Variants in NAALADL2 observed in about 807,000 individuals in gnomAD.
The protein encoded by NAALADL2 is N-acetylated alpha-linked acidic dipeptidase like 2.
NAALADL2 carries 76 observed loss-of-function variants against 87.2 expected under a neutral mutation model. The ratio of observed to expected loss-of-function variants is 0.87; its 90% CI spans 0.72 to 1.05. The LOEUF (loss-of-function observed/expected upper bound fraction) is 1.05. NAALADL2 is among the 50% of genes least tolerant of loss of function. The pLI is 0.00. For missense variants in NAALADL2, 1,089 were observed against 945.8 expected, an observed-to-expected ratio of 1.15 and a Z score of -1.99; for synonymous variants, 354 against 331.0, an observed-to-expected ratio of 1.07 and a Z score of -0.75.
chr3:174,787,230 A>G (rs1389543933), intron 3 of NAALADL2, among the ~76,000 whole-genome samples: 1 of 151,862 alleles, frequency 6.6e-6, no homozygotes, highest in Non-Finnish European at 1.5e-5. Flanking sequence ...TCGTCTCTTC[A>G]AACTGACAAA....
At chr3:174,490,914 T>C (rs756958194) in intron 1 of NAALADL2, among the ~76,000 whole-genome samples, 1 of 152,112 alleles carries the variant, frequency 6.6e-6, no homozygotes, top group Non-Finnish European at 1.5e-5. Flanking sequence ...TTAAAACTTA[T>C]AACGGGGTTT....
intron 2 of NAALADL2, among the ~76,000 whole-genome samples, chr3:175,104,961 T>TTGG (rs1722843131): frequency 6.6e-6 from 1 of 152,070 alleles, no homozygotes; most frequent in African/African-American, 2.4e-5. Context: ...TTAACTGGAT[T>TTGG]CAACTCACAG....
rs547898817 is a variant in NAALADL2 at position 175,480,410 on chromosome 3, T to C, written c.1653+8652T>C. Reference sequence around the variant, plus strand: ...ACTCTAACTCATTTGTCTTCTGTAATCAATGGTAACTCCAGAAGGAGTTTA... The same window carrying C: ...ACTCTAACTCATTTGTCTTCTGTAACCAATGGTAACTCCAGAAGGAGTTTA... On this transcript the variant is annotated intron_variant, in intron 9 of 13. Transcript: ENST00000454872. Among the ~76,000 whole-genome samples the C allele has an allele frequency of 2.0e-5, 3 of 151,978 alleles. No individual in the cohort carries two copies. The South Asian group carries it at 6.2e-4, about 31-fold the overall frequency.
chr3:174,621,962 G>T (rs1018014487), intron 2 of NAALADL2, among the ~76,000 whole-genome samples: 6 of 152,040 alleles, frequency 3.9e-5, no homozygotes, highest in South Asian at 2.1e-4. Flanking sequence ...CCTAACAAAG[G>T]ACTCTCAAGA....
chr3:174,848,128 T>G (rs1157870292), intron 3 of NAALADL2, among the ~76,000 whole-genome samples: 2 of 152,128 alleles, frequency 1.3e-5, no homozygotes, highest in East Asian at 3.8e-4. Flanking sequence ...TTAAAAACAA[T>G]TAAGTACCAA....
At chr3:175,574,017 A>T (rs192034606) in intron 9 of NAALADL2, among the ~76,000 whole-genome samples, 121 of 152,306 alleles carry the variant, frequency 7.9e-4, no homozygotes, top group African/African-American at 2.7e-3. Flanking sequence ...ATTTTAATTG[A>T]TGTTTAACTT....
intron 1 of NAALADL2, among the ~76,000 whole-genome samples, chr3:174,987,285 C>T (rs1480460992): frequency 1.3e-5 from 2 of 152,038 alleles, no homozygotes; most frequent in African/African-American, 2.4e-5. Flanking sequence ...AAAACCAATA[C>T]TCGGCCGGGC....
At chr3:175,779,286 A>C (rs1480206226) in intron 13 of NAALADL2, among the ~76,000 whole-genome samples, 2 of 151,970 alleles carry the variant, frequency 1.3e-5, no homozygotes, top group African/African-American at 4.8e-5. Flanking sequence ...CTAAATAACA[A>C]ATAGGCCAAA....
intron 1 of NAALADL2, among the ~76,000 whole-genome samples, chr3:175,035,687 G>A (rs1488148765): frequency 6.6e-6 from 1 of 152,156 alleles, no homozygotes; most frequent in Non-Finnish European, 1.5e-5. Flanking sequence ...TAAAAATTCA[G>A]ACATCAGATA....
chr3:175,368,515 C>T (rs1413177208), intron 5 of NAALADL2, among the ~76,000 whole-genome samples: 1 of 151,964 alleles, frequency 6.6e-6, no homozygotes, highest in Non-Finnish European at 1.5e-5. Flanking sequence ...AAACGAATCT[C>T]TAACACATTT....
At position 174,750,583 on chromosome 3, in the gene NAALADL2, G is replaced by A. The variant is rs184786181; in HGVS notation, c.-9+12837G>A. 1.7e-3 allele frequency among the ~76,000 whole-genome samples: 259 copies of A among 152,072 alleles called. 2 individuals carry two copies. Among genetic ancestry groups the A allele is most frequent in the African/African-American group, 5.5e-3 (230 of 41,478 alleles). ...TGAGTAGCTGGGATTAAAGGTGTGC[G>A]CCACCATACCTGGCTAATTTTTGTA... On this transcript the variant is annotated intron_variant, in intron 3 of 3. Coordinates refer to the NAALADL2 transcript ENST00000434257.
intron 2 of NAALADL2, among the ~76,000 whole-genome samples, chr3:174,593,096 GGACAATCAGAATT>G (rs1311352422): frequency 1.3e-5 from 2 of 152,056 alleles, no homozygotes; most frequent in Non-Finnish European, 2.9e-5. Context: ...TTTTCTTGTA[GGACAATCAGAATT>G]GTCAAATATA....
rs538422361 is a variant in NAALADL2, at chr3:175,097,309, A to C, written c.545+18A>C. On this transcript the variant is annotated intron_variant, in intron 2 of 13. Transcript: ENST00000454872. ...TCTTTCAGGTAGGTGAAGAAGAAACAGATGTTGTTTGAATGCATTTCTTGG... is the reference window on the plus strand; with the variant it reads ...TCTTTCAGGTAGGTGAAGAAGAAACCGATGTTGTTTGAATGCATTTCTTGG... 1 of 1,589,508 alleles carries C rather than the reference A, an allele frequency of 6.3e-7. No homozygotes were observed. The highest frequency in any genetic ancestry group is 1.4e-5 in the African/African-American group (1 of 74,030).
chr3:174,570,652 A>G (rs567741745), intron 2 of NAALADL2, among the ~76,000 whole-genome samples: 1 of 152,154 alleles, frequency 6.6e-6, no homozygotes, highest in African/African-American at 2.4e-5. Context: ...CTTAAGGGTC[A>G]CAACTTTAAG....
At chr3:175,429,462 C>T (rs16825689) in intron 5 of NAALADL2, among the ~76,000 whole-genome samples, 12,542 of 151,942 alleles carry the variant, frequency 0.083, 1,275 homozygotes, top group African/African-American at 0.23. Context: ...ATGTAGTTTC[C>T]TTTGCTTAGA....
intron 2 of NAALADL2, among the ~76,000 whole-genome samples, chr3:174,710,247 TTTTC>T (rs1345036184): frequency 2.0e-5 from 3 of 150,524 alleles, no homozygotes; most frequent in African/African-American, 7.4e-5. Context: ...TTTTTTTTCT[TTTTC>T]TTTTCTTTTT....
At chr3:175,041,424 T>C (rs2108970092) in intron 1 of NAALADL2, among the ~76,000 whole-genome samples, 1 of 152,274 alleles carries the variant, frequency 6.6e-6, no homozygotes, top group South Asian at 2.1e-4. Flanking sequence ...AGTTTCTAAG[T>C]GGTTATAAAC....
intron 1 of NAALADL2, among the ~76,000 whole-genome samples, chr3:174,866,724 C>T (rs964286822): frequency 3.3e-5 from 5 of 151,592 alleles, no homozygotes; most frequent in African/African-American, 9.7e-5. Context: ...TTGATAATAA[C>T]GACTTTATAA....
intron 11 of NAALADL2, among the ~76,000 whole-genome samples, chr3:175,657,809 C>A (rs1469397308): frequency 6.6e-6 from 1 of 151,880 alleles, no homozygotes; most frequent in Non-Finnish European, 1.5e-5. Context: ...TATTCCTGAC[C>A]TCGTGATCCG....
Sources: gnomAD v4.1 joint callset for allele counts (sites outside exome capture counted in the v4.1 genomes callset) on GRCh38, gnomAD v4.1.1 for gene constraint, MANE v1.5 for transcripts, NCBI Gene and HGNC (gene_info 2026-07-23, HGNC 2026-07-21) for gene names.